The following SAP30BP variants were observed in gnomAD, a reference collection of about 807,000 sequenced individuals.
The protein encoded by SAP30BP is SAP30-binding protein.
Under a neutral mutation model 46.3 loss-of-function variants are expected in SAP30BP, and 31 were observed. The ratio of observed to expected loss-of-function variants is 0.67; its 90% confidence interval spans 0.50 to 0.90. SAP30BP has a LOEUF of 0.90. Ranked by LOEUF, SAP30BP falls within the 40% of genes least tolerant of loss-of-function variation. SAP30BP has a pLI of 0.00. For synonymous variants in SAP30BP, 169 were observed against 144.2 expected (o/e 1.17, Z -1.23); for missense variants, 312 against 391.0 (o/e 0.80, Z 1.70).
chr17:75,674,826 C>A (rs1276971014), intron 3 of SAP30BP, among the ~76,000 whole-genome samples: 1 of 150,594 alleles, frequency 6.6e-6, no homozygotes, highest in African/African-American at 2.4e-5. Flanking sequence ...CTCAGCCTCC[C>A]AAACAGCTGG....
intron 3 of SAP30BP, among the ~76,000 whole-genome samples, chr17:75,687,273 G>A (rs1045839011): frequency 6.6e-6 from 1 of 152,108 alleles, no homozygotes; most frequent in Non-Finnish European, 1.5e-5. Context: ...TAACTATACA[G>A]TAATTATTTT....
intron 4 of SAP30BP, among the ~76,000 whole-genome samples, 159 bp from the exon 5 acceptor site, chr17:75,699,624 A>T (rs1280144937): frequency 6.6e-6 from 1 of 152,128 alleles, no homozygotes; most frequent in Non-Finnish European, 1.5e-5. Context: ...GTCTCAGCTC[A>T]GATGACACCT....
intron 3 of SAP30BP, chr17:75,690,765 A>G (rs945484406): frequency 2.2e-6 from 1 of 456,532 alleles, no homozygotes; most frequent in African/African-American, 2.0e-5. Context: ...CATTCTAAAC[A>G]TGATAAGGTA....
intron 3 of SAP30BP, among the ~76,000 whole-genome samples, chr17:75,680,769 C>T (rs894766820): frequency 6.6e-6 from 1 of 152,210 alleles, no homozygotes; most frequent in Non-Finnish European, 1.5e-5. Context: ...TGTGGTAGCT[C>T]AAGCCTGTAA....
At chr17:75,684,306 A>G (rs1042484169) in intron 3 of SAP30BP, among the ~76,000 whole-genome samples, 2 of 152,188 alleles carry the variant, frequency 1.3e-5, no homozygotes, top group African/African-American at 4.8e-5. Flanking sequence ...AGTGGGTTCT[A>G]CGTTTAGGGT....
chr17:75,699,789 T>C lies in SAP30BP; in HGVS notation c.314T>C (p.Phe105Ser). Residue 105 changes from phenylalanine (F) to serine (S), a missense_variant, in exon 5 of 11, where the codon TTT becomes TCT. Phe to Ser is a radical substitution (Grantham distance 155, BLOSUM62 -2). Coordinates refer to ENST00000584667, the MANE Select transcript of SAP30BP (RefSeq NM_013260.8). ...TTCCTTCTTCTCTCAACAGCCTCCTTTTCTGAAAGAGTTCGGAACATGTCG... is the reference window on the plus strand; with the variant it reads ...TTCCTTCTTCTCTCAACAGCCTCCTCTTCTGAAAGAGTTCGGAACATGTCG... ...KRDPQELVAS[F>S]SERVRNMSPD... 1 of 1,611,948 alleles carries C rather than the reference T, an allele frequency of 6.2e-7. No homozygotes were observed. Among genetic ancestry groups the C allele is most frequent in the Non-Finnish European group, 8.5e-7 (1 of 1,178,104 alleles).
intron 3 of SAP30BP, chr17:75,691,588 C>T: frequency 2.3e-6 from 1 of 427,852 alleles, no homozygotes; most frequent in South Asian, 1.7e-5. Context: ...CTTCCTGTGG[C>T]TTTGGGGTAG....
At chr17:75,689,178 A>C (rs1599137537) in intron 3 of SAP30BP, among the ~76,000 whole-genome samples, 1 of 146,980 alleles carries the variant, frequency 6.8e-6, no homozygotes, top group Non-Finnish European at 1.5e-5. Flanking sequence ...TTTTGGAGAC[A>C]ATCTTGCTCT....
chr17:75,701,439 G>A (rs1041019071), intron 5 of SAP30BP, among the ~76,000 whole-genome samples: 5 of 152,144 alleles, frequency 3.3e-5, no homozygotes, highest in South Asian at 4.1e-4. Context: ...CATGGGCTGG[G>A]CAGGACCCCC....
chr17:75,706,373 C>A lies in SAP30BP; in HGVS notation c.779C>A (p.Ala260Asp), dbSNP rs2060497831. The stretch of plus-strand genomic sequence containing the variant: ...AAGAGAAAGAGCAAGTGGGATTCGG[C>A]TATCCCAGTGACAACGATAGCCCAG... ...AQKRKSKWDS[A>D]IPVTTIAQPT... Residue 260 changes from alanine (A) to aspartate (D), a missense_variant, in exon 11 of 11, where the codon GCT (alanine) becomes GAT (aspartate). Coordinates refer to ENST00000584667, the MANE Select transcript of SAP30BP (RefSeq NM_013260.8). The surrounding 1 kb of genome is among the most constrained non-coding windows in gnomAD (Gnocchi z 4.6). 1 of 1,613,938 alleles carries A rather than the reference C, an allele frequency of 6.2e-7. No homozygotes were observed. The highest frequency in any genetic ancestry group is 1.3e-5 in the African/African-American group (1 of 75,052).
At chr17:75,667,807 G>A (rs1199716053) in intron 1 of SAP30BP, among the ~76,000 whole-genome samples, 1 of 152,240 alleles carries the variant, frequency 6.6e-6, no homozygotes, top group Non-Finnish European at 1.5e-5. Flanking sequence ...AGAGCGATAA[G>A]TAAAACATAC....
At chr17:75,689,635 ATTACT>A (rs2060213484) in intron 3 of SAP30BP, among the ~76,000 whole-genome samples, 1 of 152,220 alleles carries the variant, frequency 6.6e-6, no homozygotes, top group Admixed American at 6.5e-5. Context: ...GGATGAGCTC[ATTACT>A]TTAACCAACT....
chr17:75,673,460 C>T (rs750662429), intron 3 of SAP30BP, among the ~76,000 whole-genome samples: 5 of 152,086 alleles, frequency 3.3e-5, no homozygotes, highest in Non-Finnish European at 5.9e-5. Flanking sequence ...GGAGCCTGCA[C>T]GTAAAACAAG....
In SAP30BP at chr17:75,694,621, G is replaced by T. The variant is rs531608649; in HGVS notation, c.307+1139G>T. Reference sequence around the variant, plus strand: ...GTGTGCATCTGCTGGGAAGCCGATGGCCGGCCCAAGGGGGCGATCCACGGG... The same window carrying T: ...GTGTGCATCTGCTGGGAAGCCGATGTCCGGCCCAAGGGGGCGATCCACGGG... On this transcript the variant is annotated intron_variant, in intron 4 of 10. Coordinates refer to ENST00000584667, the MANE Select transcript of SAP30BP (RefSeq NM_013260.8). 3.1e-3 allele frequency among the ~76,000 whole-genome samples: 18 copies of T among 5,740 alleles called. No individual in the cohort carries two copies. The Non-Finnish European group carries it at 0.16, about 51-fold the overall frequency. The allele number at this position is 5,740 out of a possible 152,430, so 3.8% of individuals were successfully genotyped here. A position where few individuals can be genotyped will look rare whatever the true frequency, so the allele number is the denominator to read the frequency against.
intron 7 of SAP30BP, 151 bp downstream of exon 7, chr17:75,703,522 T>C (rs1196021598): frequency 2.2e-5 from 15 of 692,148 alleles, no homozygotes; most frequent in Non-Finnish European, 2.7e-5. Flanking sequence ...GAGTCCCTAT[T>C]GTTCTGAAAT....
chr17:75,680,635 A>G (rs1443522935), intron 3 of SAP30BP, among the ~76,000 whole-genome samples: 2 of 152,232 alleles, frequency 1.3e-5, no homozygotes, highest in African/African-American at 4.8e-5. Context: ...CAGTGTAACT[A>G]AGTCTGATTA....
At chr17:75,669,096 T>C (rs2059867302) in intron 2 of SAP30BP, among the ~76,000 whole-genome samples, 1 of 151,648 alleles carries the variant, frequency 6.6e-6, no homozygotes, top group Non-Finnish European at 1.5e-5. Context: ...TTTTTTGAGA[T>C]AGGGTCTCAC....
In SAP30BP at chr17:75,667,457, G is replaced by A. The variant is rs562561043; in HGVS notation, c.85G>A (p.Glu29Lys). The A allele has an allele frequency of 6.2e-7, 1 of 1,614,192 alleles. No homozygotes were observed. The highest frequency in any genetic ancestry group is 1.3e-5 in the African/African-American group (1 of 75,070). ...CGAGTCTGATGGCGAGGCTGGAATC[G>A]AGGCGGTGGGCAGCGCGGCTGGTAA... ...EPESDGEAGI[E>K]AVGSAAEEKG... The change falls in exon 1 of 11, where the codon GAG (glutamate) becomes AAG (lysine). Residue 29 changes from glutamate to lysine, a missense_variant. Physicochemically the swap from Glu to Lys is moderately conservative, Grantham distance 56. Transcript: ENST00000584667.
chr17:75,691,655 G>C (rs553433448), intron 3 of SAP30BP: 1 of 368,246 alleles, frequency 2.7e-6, no homozygotes, highest in Non-Finnish European at 5.3e-6. Flanking sequence ...CATGAGAAGG[G>C]GTGGGTGTGG....
Sources: gnomAD v4.1 joint callset for allele counts (sites outside exome capture counted in the v4.1 genomes callset) on GRCh38, gnomAD v4.1.1 for gene constraint, Gnocchi (gnomAD v3.1) non-coding constraint, MANE v1.5 for transcripts, NCBI Gene and HGNC (gene_info 2026-07-23, HGNC 2026-07-21) for gene names.